The following CDK7 variants were observed in gnomAD, a reference collection of about 807,000 sequenced individuals.
CDK7 encodes the protein cyclin dependent kinase 7, also known as cyclin-dependent kinase 7.
In CDK7, 25 loss-of-function variants were observed where a neutral mutation model predicts 49.1. The ratio of observed to expected loss-of-function variants is 0.51; its 90% CI spans 0.37 to 0.71. CDK7 has a LOEUF of 0.71. CDK7 is among the 30% of genes least tolerant of loss of function. The probability of loss-of-function intolerance (pLI) is 0.00; values close to 1 mark genes in which losing one functional copy is unlikely to be tolerated. For missense variants in CDK7, 316 were observed against 411.7 expected, an observed-to-expected ratio of 0.77 and a Z score of 2.01; for synonymous variants, 107 against 140.0, an observed-to-expected ratio of 0.76 and a Z score of 1.67.
At chr5:69,246,747 C>G (rs1365126279) in intron 2 of CDK7, among the ~76,000 whole-genome samples, 3 of 150,574 alleles carry the variant, frequency 2.0e-5, no homozygotes, top group Non-Finnish European at 4.4e-5. Context: ...CTATAAACTT[C>G]CCTCTGAGTA....
At chr5:69,234,857 T>C, upstream of CDK7, 2 of 1,005,148 alleles carry the variant, frequency 2.0e-6, no homozygotes, top group African/African-American at 3.2e-5. Context: ...GAGGCGGGGA[T>C]ACTAAAGCGA....
At chr5:69,238,695 C>T (rs180695537) in intron 2 of CDK7, among the ~76,000 whole-genome samples, 11 of 148,770 alleles carry the variant, frequency 7.4e-5, no homozygotes, top group African/African-American at 1.2e-4. Flanking sequence ...CCCACTCTGT[C>T]GCACAGGCTG....
intron 2 of CDK7, among the ~76,000 whole-genome samples, chr5:69,251,566 G>T (rs1462173310): frequency 2.0e-5 from 3 of 152,082 alleles, no homozygotes; most frequent in Non-Finnish European, 4.4e-5. Flanking sequence ...GTTTGAGACA[G>T]TCTCTCTCTG....
At chr5:69,256,358 T>A (rs980115614) in intron 5 of CDK7, among the ~76,000 whole-genome samples, 1 of 152,158 alleles carries the variant, frequency 6.6e-6, no homozygotes, top group African/African-American at 2.4e-5. Flanking sequence ...TTTTTGTTTT[T>A]GTTTTGTTTT....
intron 8 of CDK7, among the ~76,000 whole-genome samples, chr5:69,265,368 C>G (rs1751081855): frequency 1.4e-5 from 2 of 146,272 alleles, no homozygotes; most frequent in African/African-American, 2.5e-5. Flanking sequence ...TGTGCCAAGA[C>G]ACACTGTTGT....
intron 2 of CDK7, among the ~76,000 whole-genome samples, chr5:69,238,377 T>C (rs1446289769): frequency 6.6e-6 from 1 of 151,404 alleles, no homozygotes; most frequent in African/African-American, 2.4e-5. Context: ...CTTGACCTCC[T>C]GGTCTCAAGC....
At chr5:69,248,762 C>A (rs60824482) in intron 2 of CDK7, among the ~76,000 whole-genome samples, 24,851 of 148,990 alleles carry the variant, frequency 0.17, 3,385 homozygotes, top group African/African-American at 0.37. Flanking sequence ...TTGAGTTAAA[C>A]CTGCTTGGTA....
chr5:69,250,937 T>G, intron 2 of CDK7: 1 of 453,312 alleles, frequency 2.2e-6, no homozygotes, highest in Non-Finnish European at 4.4e-6. Context: ...TGGGTTTTTT[T>G]GTTTGTTAGA....
At chr5:69,272,477 A>T (rs923150615) in intron 9 of CDK7, among the ~76,000 whole-genome samples, 1 of 152,216 alleles carries the variant, frequency 6.6e-6, no homozygotes, top group African/African-American at 2.4e-5. Context: ...ATTTGAGGAT[A>T]ATTAACATCC....
intron 1 of CDK7, 32 bp downstream of exon 1, chr5:69,235,073 C>T (rs1561338255): frequency 1.3e-6 from 2 of 1,572,276 alleles, no homozygotes; most frequent in Admixed American, 1.8e-5. Flanking sequence ...GGGAGGGCCC[C>T]AAGCGGACAG....
intron 1 of CDK7, 129 bp from the exon 2 acceptor site, chr5:69,235,265 C>T (rs1430419975): frequency 3.7e-6 from 3 of 809,408 alleles, no homozygotes; most frequent in Non-Finnish European, 6.3e-6. Context: ...GGAGACTGAC[C>T]CGCCACGTTT....
intron 7 of CDK7, among the ~76,000 whole-genome samples, chr5:69,261,006 A>G (rs1750777130): frequency 6.6e-6 from 1 of 151,712 alleles, no homozygotes; most frequent in African/African-American, 2.4e-5. Flanking sequence ...TTTTATAGAG[A>G]TGGGTTTCGC....
chr5:69,255,679 C>A, intron 5 of CDK7, 151 bp downstream of exon 5: 1 of 708,256 alleles, frequency 1.4e-6, no homozygotes, highest in Middle Eastern at 2.4e-4. Flanking sequence ...AAAAGGATCT[C>A]TAGTTATTTT....
In CDK7 at chr5:69,254,708, T is replaced by C. The variant is rs1410278750; in HGVS notation, c.228+39T>C. 4 of 1,066,690 alleles carry C rather than the reference T, an allele frequency of 3.7e-6. No homozygotes were observed. The South Asian group carries it at 5.0e-5, about 13-fold the overall frequency. The allele number at this position is 1,066,690 out of a possible 1,614,324, so 66.1% of individuals were successfully genotyped here. A position where few individuals can be genotyped will look rare whatever the true frequency, so the allele number is the denominator to read the frequency against. ...AAACTGTTACTGGGATTTGGGACTC[T>C]GCCTTTTCTTAATATAATGGATGTT... On this transcript the variant is annotated intron_variant, in intron 4 of 11. Coordinates refer to ENST00000256443, the MANE Select transcript of CDK7 (RefSeq NM_001799.4).
At chr5:69,265,863 T>G (rs541213531) in intron 8 of CDK7, among the ~76,000 whole-genome samples, 2 of 151,930 alleles carry the variant, frequency 1.3e-5, no homozygotes, top group South Asian at 4.2e-4. Context: ...GGAGGTGATA[T>G]CGTGCCACAT....
intron 8 of CDK7, among the ~76,000 whole-genome samples, chr5:69,266,125 T>A (rs1389733037): frequency 6.6e-6 from 1 of 151,948 alleles, no homozygotes; most frequent in African/African-American, 2.4e-5. Flanking sequence ...CTCCACCTGG[T>A]GTGTATAGGG....
In CDK7 at chr5:69,235,061, CG is replaced by C. The variant is rs1748857732; in HGVS notation, c.66+24del. 1.3e-6 allele frequency: 2 copies of C among 1,588,718 alleles called. No homozygotes were observed. Among genetic ancestry groups the C allele is most frequent in the Non-Finnish European group, 1.7e-6 (2 of 1,166,870 alleles). ...GGACAGGTGAGGCTCTCTGGAAGGA[CG>C]GGGAGGGCCCCAAGCGGACAGCCCC... On this transcript the variant is annotated intron_variant, in intron 1 of 11. Transcript: ENST00000256443.
intron 4 of CDK7, 62 bp downstream of exon 4, chr5:69,254,731 G>A: frequency 1.2e-6 from 1 of 868,660 alleles, no homozygotes; most frequent in Non-Finnish European, 2.0e-6. Flanking sequence ...TATAATGGAT[G>A]TTGATTAAAG....
At chr5:69,271,696 G>A (rs1751563594) in intron 9 of CDK7, among the ~76,000 whole-genome samples, 1 of 151,746 alleles carries the variant, frequency 6.6e-6, no homozygotes, top group Non-Finnish European at 1.5e-5. Context: ...GTTTTTTGTA[G>A]AGACAGGGTT....
Sources: gnomAD v4.1 joint callset for allele counts (sites outside exome capture counted in the v4.1 genomes callset) on GRCh38, gnomAD v4.1.1 for gene constraint, MANE v1.5 for transcripts, NCBI Gene and HGNC (gene_info 2026-07-23, HGNC 2026-07-21) for gene names.